The following MAP2K1 variants were observed in gnomAD, a reference collection of about 807,000 sequenced individuals.
MAP2K1 encodes dual specificity mitogen-activated protein kinase kinase 1.
Under a neutral mutation model 46.3 loss-of-function variants are expected in MAP2K1, and 16 were observed. The observed-to-expected ratio is 0.35, with a 90% confidence interval of 0.23 to 0.52. MAP2K1 has a LOEUF of 0.52. Among genes scored for constraint, MAP2K1 ranks in the 20% least tolerant of loss-of-function variants. The pLI, the probability that MAP2K1 is intolerant of heterozygous loss-of-function variation, is 0.94. For synonymous variants in MAP2K1, 183 were observed against 185.6 expected, an observed-to-expected ratio of 0.99 and a Z score of 0.11; for missense variants, 263 against 497.1, an observed-to-expected ratio of 0.53 and a Z score of 4.48.
chr15:66,488,120 A>C (rs999015299), intron 8 of MAP2K1, among the ~76,000 whole-genome samples: 1 of 151,716 alleles, frequency 6.6e-6, no homozygotes, highest in Non-Finnish European at 1.5e-5. Flanking sequence ...CAGTTGTTCT[A>C]CTGCAGCCTC....
chr15:66,400,700 A>G (rs544474767), intron 1 of MAP2K1, among the ~76,000 whole-genome samples: 80 of 152,272 alleles, frequency 5.3e-4, no homozygotes, highest in African/African-American at 1.8e-3. Context: ...CCCAAGATGA[A>G]TAGTGTTTTG....
At chr15:66,424,556 A>G (rs1181564734) in intron 1 of MAP2K1, among the ~76,000 whole-genome samples, 1 of 152,168 alleles carries the variant, frequency 6.6e-6, no homozygotes, top group Admixed American at 6.5e-5. Flanking sequence ...AAATTTCTCC[A>G]GTAATGGGTT....
intron 4 of MAP2K1, among the ~76,000 whole-genome samples, 157 bp from the exon 5 acceptor site, chr15:66,444,499 T>C (rs150589998): frequency 2.3e-4 from 34 of 150,816 alleles, no homozygotes; most frequent in Middle Eastern, 3.4e-3. Context: ...CGCCATTGCA[T>C]TCCAGCCTGG....
At chr15:66,486,989 TTTGTTTGGCTCAGCA>T (rs1893056730) in intron 7 of MAP2K1, among the ~76,000 whole-genome samples, 1 of 152,152 alleles carries the variant, frequency 6.6e-6, no homozygotes, top group Non-Finnish European at 1.5e-5. Flanking sequence ...AACTCAGAAC[TTTGTTTGGCTCAGCA>T]GTGAACTGAT....
intron 1 of MAP2K1, among the ~76,000 whole-genome samples, chr15:66,415,527 A>G (rs2093422627): frequency 6.6e-6 from 1 of 151,950 alleles, no homozygotes; most frequent in African/African-American, 2.4e-5. Context: ...TATCCAGATC[A>G]TCACCCAGTC....
At chr15:66,396,431 G>A (rs372459404) in intron 1 of MAP2K1, among the ~76,000 whole-genome samples, 2 of 151,540 alleles carry the variant, frequency 1.3e-5, no homozygotes, top group East Asian at 2.0e-4. Flanking sequence ...CACCATGGCC[G>A]GCTAATTTTT....
intron 5 of MAP2K1, among the ~76,000 whole-genome samples, chr15:66,448,152 CAAAAA>C (rs67953737): frequency 1.1e-5 from 1 of 86,978 alleles, no homozygotes; most frequent in Admixed American, 1.3e-4. Context: ...GACTCCATCT[CAAAAA>C]AAAAAAAAAA....
chr15:66,448,138 G>A (rs970624320), intron 5 of MAP2K1, among the ~76,000 whole-genome samples: 1 of 113,978 alleles, frequency 8.8e-6, no homozygotes, highest in Non-Finnish European at 1.7e-5. Flanking sequence ...GGGCAGCAGA[G>A]CAAGACTCCA....
Position 66,387,315 on chromosome 15 carries a change from C to CA in MAP2K1, c.-33_-32insA. On this transcript the variant is annotated 5_prime_UTR_variant, in exon 1 of 11. Transcript: ENST00000307102. The stretch of plus-strand genomic sequence containing the variant: ...AGGAAGCGAGAGGTGCTGCCCTCCC[C>CA]CCGGAGTTGGAAGCGCGTTACCCGG... The CA allele has an allele frequency of 6.5e-7, 1 of 1,535,368 alleles. No homozygotes were observed. Among genetic ancestry groups the CA allele is most frequent in the Non-Finnish European group, 8.8e-7 (1 of 1,132,148 alleles).
In MAP2K1 at chr15:66,387,237, G is replaced by C; in HGVS notation, c.-111G>C. On this transcript the variant is annotated 5_prime_UTR_variant, in exon 1 of 11. Transcript: ENST00000307102. ...GCGCACCCGCTGAAGGCAGCCCCGG[G>C]GCCCGCGGCCCGGACTTGGTCCTGC... The C allele has an allele frequency of 2.3e-6, 2 of 868,598 alleles. No individual in the cohort carries two copies. The highest frequency in any genetic ancestry group is 3.4e-4 in the Middle Eastern group (1 of 2,924). The allele number at this position is 868,598 out of a possible 1,614,324, so 53.8% of individuals were successfully genotyped here.
chr15:66,489,568 G>C, intron 9 of MAP2K1, 150 bp from the exon 10 acceptor site: 2 of 770,942 alleles, frequency 2.6e-6, no homozygotes, highest in South Asian at 2.8e-5. Context: ...AACTTACTGT[G>C]GGCATGATAC....
At chr15:66,487,703 G>GAAAA (rs1893089683) in intron 8 of MAP2K1, among the ~76,000 whole-genome samples, 2 of 152,110 alleles carry the variant, frequency 1.3e-5, no homozygotes, top group African/African-American at 2.4e-5. Context: ...AAGCACCATG[G>GAAAA]GCTGTAGAAA....
Position 66,403,635 on chromosome 15 carries a change from G to A in MAP2K1, c.80+16208G>A, listed in dbSNP as rs372990827. On this transcript the variant is annotated intron_variant, in intron 1 of 10. Coordinates refer to ENST00000307102, the MANE Select transcript of MAP2K1 (RefSeq NM_002755.4). ...AGTGGAAATTGAGTGCATAATCCAC[G>A]TGGGTTCCAGATTCAGGTTAAATTT... Among the ~76,000 whole-genome samples the A allele has an allele frequency of 3.3e-5, 5 of 152,136 alleles. No homozygotes were observed. The South Asian group carries it at 6.2e-4, about 19-fold the overall frequency.
intron 1 of MAP2K1, among the ~76,000 whole-genome samples, chr15:66,413,219 A>G (rs900463207): frequency 1.3e-5 from 2 of 152,140 alleles, no homozygotes; most frequent in African/African-American, 4.8e-5. Flanking sequence ...TTTAGAAGCT[A>G]GGATGTCAGG....
Position 66,410,719 on chromosome 15 carries a change from C to T in MAP2K1, c.80+23292C>T, listed in dbSNP as rs1206484225. On this transcript the variant is annotated intron_variant, in intron 1 of 10. Coordinates refer to ENST00000307102, the MANE Select transcript of MAP2K1 (RefSeq NM_002755.4). ...AGCTCAGCAACTGGGATGCCATCGA[C>T]AGGTTTGCGGTCCTCTCTAGTCTGG... is the stretch of plus-strand genomic sequence containing the variant. Among the ~76,000 whole-genome samples, 4 of 152,174 alleles carry T rather than the reference C, an allele frequency of 2.6e-5. No homozygotes were observed. The East Asian group carries it at 7.7e-4, about 29-fold the overall frequency.
intron 5 of MAP2K1, among the ~76,000 whole-genome samples, chr15:66,445,147 CG>C (rs1441054344): frequency 6.6e-4 from 5 of 7,528 alleles, no homozygotes; most frequent in African/African-American, 1.0e-3. Flanking sequence ...CGAGGGGCAG[CG>C]GGGGGAGGTG....
intron 3 of MAP2K1, among the ~76,000 whole-genome samples, chr15:66,440,983 G>A (rs1463585494): frequency 1.3e-5 from 2 of 152,158 alleles, no homozygotes; most frequent in African/African-American, 4.8e-5. Flanking sequence ...TAATTTTACA[G>A]ATACGGTCTT....
At chr15:66,457,732 C>CGGGT (rs1481428278) in intron 5 of MAP2K1, among the ~76,000 whole-genome samples, 2 of 151,728 alleles carry the variant, frequency 1.3e-5, no homozygotes, top group Non-Finnish European at 2.9e-5. Context: ...GAGATCAAGG[C>CGGGT]GGGTGGATCA....
chr15:66,408,563 G>A (rs1435859304), intron 1 of MAP2K1, among the ~76,000 whole-genome samples: 1 of 151,990 alleles, frequency 6.6e-6, no homozygotes. Context: ...ATGGGGTTGT[G>A]TTGGGCGGGG....
Sources: gnomAD v4.1 joint callset for allele counts (sites outside exome capture counted in the v4.1 genomes callset) on GRCh38, gnomAD v4.1.1 for gene constraint, MANE v1.5 for transcripts, NCBI Gene and HGNC (gene_info 2026-07-23, HGNC 2026-07-21) for gene names.